Variants in FLT1 observed in about 807,000 individuals in gnomAD.
FLT1 encodes the protein fms related receptor tyrosine kinase 1, also known as vascular endothelial growth factor receptor 1.
FLT1 carries 49 observed loss-of-function variants against 156.3 expected under a neutral mutation model. The ratio of observed to expected loss-of-function variants is 0.31; its 90% CI spans 0.25 to 0.40. The LOEUF is 0.40. FLT1 is among the 10% of genes least tolerant of loss of function. FLT1 has a pLI of 1.00. For synonymous variants in FLT1, 594 were observed against 583.8 expected (o/e 1.02, Z -0.25); for missense variants, 1,322 against 1,637.2 (o/e 0.81, Z 3.32).
chr13:28,340,120 C>A (rs1200946057), intron 16 of FLT1, among the ~76,000 whole-genome samples: 13 of 151,736 alleles, frequency 8.6e-5, no homozygotes, highest in Non-Finnish European at 1.9e-4. Flanking sequence ...GAGGCTGAGG[C>A]AGGAGAGCTG....
At chr13:28,312,155 G>T in intron 25 of FLT1, 57 bp from the exon 26 acceptor site, 1 of 1,046,944 alleles carries the variant, frequency 9.6e-7, no homozygotes, top group Non-Finnish European at 1.5e-6. Context: ...CCTATGCATT[G>T]CCTTACGTAC....
intron 14 of FLT1, among the ~76,000 whole-genome samples, chr13:28,365,603 T>A (rs7337515): frequency 6.6e-6 from 1 of 152,124 alleles, no homozygotes; most frequent in Non-Finnish European, 1.5e-5. Context: ...TCGCCAACCT[T>A]GGCCTCCCAA....
rs1435730024 is a variant in FLT1 at position 28,397,026 on chromosome 13, T to C, written c.1594A>G (p.Ile532Val). 1 of 1,613,812 alleles carries C rather than the reference T, an allele frequency of 6.2e-7. No individual in the cohort carries two copies. The highest frequency in any genetic ancestry group is 1.3e-5 in the African/African-American group (1 of 74,934). Residue 532 changes from isoleucine to valine, a missense_variant, in exon 12 of 30, where the codon ATC becomes GTC. Ile to Val is a conservative substitution (Grantham distance 29, BLOSUM62 3). Transcript: ENST00000282397. ...TTATTGGAAGCTATGCAAATGTAGA[T>C]TCCAGAAATTCTAGAGTCAGCCACA... ...LVVADSRISG[I>V]YICIASNKVG... is the part of the protein sequence containing the mutation.
intron 3 of FLT1, among the ~76,000 whole-genome samples, chr13:28,457,998 A>C (rs1438861138): frequency 1.5e-5 from 2 of 134,718 alleles, no homozygotes; most frequent in Admixed American, 1.8e-4. Context: ...GCAGTGGCGC[A>C]ATCTTGGCTC....
chr13:28,447,857 ATATAT>A (rs1396748101), intron 3 of FLT1, among the ~76,000 whole-genome samples: 12 of 150,872 alleles, frequency 8.0e-5, no homozygotes, highest in Non-Finnish European at 1.3e-4. Flanking sequence ...AACATATAAA[ATATAT>A]TATAATATAC....
chr13:28,474,975 T>C (rs1880463116), intron 1 of FLT1, among the ~76,000 whole-genome samples: 1 of 152,188 alleles, frequency 6.6e-6, no homozygotes, highest in Non-Finnish European at 1.5e-5. Flanking sequence ...TTGCCACATA[T>C]TACCCCATCA....
chr13:28,474,909 A>G (rs186264813), intron 1 of FLT1, among the ~76,000 whole-genome samples: 30 of 152,350 alleles, frequency 2.0e-4, no homozygotes, highest in African/African-American at 6.7e-4. Flanking sequence ...ACTGATGACT[A>G]AAGTAATCAC....
chr13:28,475,934 C>T (rs1880518658), intron 1 of FLT1, among the ~76,000 whole-genome samples: 1 of 152,184 alleles, frequency 6.6e-6, no homozygotes, highest in Admixed American at 6.5e-5. Flanking sequence ...GTTCATATTC[C>T]ATCCACCAAC....
intron 15 of FLT1, among the ~76,000 whole-genome samples, chr13:28,347,628 G>T (rs1046550032): frequency 3.9e-5 from 6 of 152,172 alleles, no homozygotes; most frequent in Non-Finnish European, 7.4e-5. Context: ...CTGTGTGATG[G>T]GTTTGATCTA....
At chr13:28,321,037 G>A (rs1285909745) in intron 23 of FLT1, among the ~76,000 whole-genome samples, 1 of 152,188 alleles carries the variant, frequency 6.6e-6, no homozygotes, top group Non-Finnish European at 1.5e-5. Context: ...ACTGCTGACG[G>A]TCTTCCCCGC....
In FLT1 at chr13:28,316,258, G is replaced by A. The variant is rs537757247; in HGVS notation, c.3386+1240C>T. 3.3e-4 allele frequency among the ~76,000 whole-genome samples: 50 copies of A among 152,220 alleles called. 1 individual carries two copies. Among genetic ancestry groups the A allele is most frequent in the Non-Finnish European group, 2.1e-4 (14 of 68,044 alleles). ...TGACCTACCCTTACCCCGAGATGAT[G>A]AAGGAAAGAGACAGTGACTTTGCCC... On this transcript the variant is annotated intron_variant, in intron 25 of 29. Coordinates refer to ENST00000282397, the MANE Select transcript of FLT1 (RefSeq NM_002019.4).
In FLT1 at chr13:28,357,403, C is replaced by A. The variant is rs531651760; in HGVS notation, c.2248+151G>T. On this transcript the variant is annotated intron_variant, in intron 15 of 29. Transcript: ENST00000282397. ...GCTTTGCCAGACAGAACCAGACAGT[C>A]CCTTCCCGGAGTGGCAGGGAGAGGG... The A allele has an allele frequency of 6.1e-6, 5 of 821,392 alleles. No individual in the cohort carries two copies. In the Admixed American group the frequency reaches 9.3e-5, roughly 15 times the overall value. 50.9% of individuals were successfully genotyped at this position (821,392 alleles called of 1,614,324 possible). A position where few individuals can be genotyped will look rare whatever the true frequency, so the allele number is the denominator to read the frequency against.
chr13:28,414,934 A>G (rs2137515473), intron 10 of FLT1, among the ~76,000 whole-genome samples: 1 of 152,216 alleles, frequency 6.6e-6, no homozygotes, highest in Non-Finnish European at 1.5e-5. Context: ...CTATGTCACC[A>G]CCATCAGCAC....
chr13:28,391,333 G>T (rs1339909543), intron 12 of FLT1, among the ~76,000 whole-genome samples: 3 of 152,152 alleles, frequency 2.0e-5, no homozygotes, highest in Non-Finnish European at 2.9e-5. Flanking sequence ...GTTGAGAACT[G>T]CTTACGACAA....
At chr13:28,317,474 G>A in intron 25 of FLT1, 24 bp downstream of exon 25, 3 of 1,461,864 alleles carry the variant, frequency 2.1e-6, no homozygotes, top group Non-Finnish European at 2.9e-6. Context: ...GTCAGATGGG[G>A]AGCAGAGGGC....
At chr13:28,474,485 G>GACACACAC (rs57021123) in intron 1 of FLT1, among the ~76,000 whole-genome samples, 294 of 112,480 alleles carry the variant, frequency 2.6e-3, no homozygotes, top group African/African-American at 6.2e-3. Context: ...AACAACCACA[G>GACACACAC]ACACACACAC....
intron 16 of FLT1, among the ~76,000 whole-genome samples, chr13:28,343,800 G>A (rs1204541526): frequency 1.3e-5 from 2 of 151,570 alleles, no homozygotes; most frequent in East Asian, 1.9e-4. Flanking sequence ...CCTCCACCAC[G>A]CCCGGCTAAT....
chr13:28,477,706 C>A (rs1353240655), intron 1 of FLT1, among the ~76,000 whole-genome samples: 1 of 152,174 alleles, frequency 6.6e-6, no homozygotes, highest in Non-Finnish European at 1.5e-5. Flanking sequence ...TGGCAGGACA[C>A]TTTTACATTT....
chr13:28,307,243 C>T (rs1566277439), intron 28 of FLT1, among the ~76,000 whole-genome samples: 1 of 152,156 alleles, frequency 6.6e-6, no homozygotes, highest in South Asian at 2.1e-4. Context: ...TCATGGTCTC[C>T]AGCAATTAGA....
Sources: gnomAD v4.1 joint callset for allele counts (sites outside exome capture counted in the v4.1 genomes callset) on GRCh38, gnomAD v4.1.1 for gene constraint, MANE v1.5 for transcripts, NCBI Gene and HGNC (gene_info 2026-07-23, HGNC 2026-07-21) for gene names.